SERPINB9: variants seen among roughly 807,000 people sequenced by gnomAD.
SERPINB9 encodes serpin B9.
Under a neutral mutation model 27.2 loss-of-function variants are expected in SERPINB9, and 20 were observed. The ratio of observed to expected loss-of-function variants is 0.74; its 90% confidence interval spans 0.52 to 1.07. The LOEUF (loss-of-function observed/expected upper bound fraction) is 1.07, where lower values mean the gene tolerates loss of function less well. Among genes scored for constraint, SERPINB9 ranks in the 50% least tolerant of loss-of-function variants. The pLI, the probability that SERPINB9 is intolerant of heterozygous loss-of-function variation, is 0.00. For missense variants in SERPINB9, 476 were observed against 460.1 expected, an observed-to-expected ratio of 1.03 and a Z score of -0.32; for synonymous variants, 189 against 180.0, an observed-to-expected ratio of 1.05 and a Z score of -0.40.
chr6:2,895,518 G>T lies in SERPINB9; in HGVS notation c.307-10C>A. On this transcript the variant is annotated splice_polypyrimidine_tract_variant and intron_variant, in intron 3 of 6. Coordinates refer to ENST00000380698, the MANE Select transcript of SERPINB9 (RefSeq NM_004155.6). Reference sequence around the variant, plus strand: ...AGGATTCCTTAAACGTCTTTGGAGAGAAAAATGTTCAGTGAGGCTGCATTG... The same window carrying T: ...AGGATTCCTTAAACGTCTTTGGAGATAAAAATGTTCAGTGAGGCTGCATTG... 5 of 1,583,794 alleles carry T rather than the reference G, an allele frequency of 3.2e-6. No individual in the cohort carries two copies. Among genetic ancestry groups the T allele is most frequent in the Non-Finnish European group, 4.3e-6 (5 of 1,155,858 alleles).
In SERPINB9 at chr6:2,893,404, C is replaced by T. The variant is rs749791285; in HGVS notation, c.567+7G>A. ...AAACTAGCAGGATTTTAAAAAGCTT[C>T]CCCCACCTGGTTTATTTTAAAGGGC... On this transcript the variant is annotated splice_region_variant and intron_variant, in intron 5 of 6. Transcript: ENST00000380698. 1.3e-6 allele frequency: 2 copies of T among 1,597,436 alleles called. No homozygotes were observed. The highest frequency in any genetic ancestry group is 2.3e-5 in the East Asian group (1 of 44,308).
In SERPINB9 at chr6:2,890,256, G is replaced by GA. The variant is rs764476003; in HGVS notation, c.1037_1038insT (p.Arg348GlnfsTer5). Reference sequence around the variant, plus strand: ...AAGGGTGGTCAGCACAGAACCTGGGGCCAGATTCCATGCAGCACTCTGCAA... The same window carrying GA: ...AAGGGTGGTCAGCACAGAACCTGGGGACCAGATTCCATGCAGCACTCTGCAA... On this transcript the variant is annotated frameshift_variant, in exon 7 of 7. Transcript: ENST00000380698. LOFTEE classifies it high-confidence loss of function. The surrounding 1 kb of genome is among the most constrained non-coding windows in gnomAD (Gnocchi z 6.2). 5.0e-6 allele frequency: 8 copies of GA among 1,614,062 alleles called. No individual in the cohort carries two copies. Among genetic ancestry groups the GA allele is most frequent in the Non-Finnish European group, 6.8e-6 (8 of 1,180,026 alleles).
rs555422802 is a variant in SERPINB9, at chr6:2,896,144, G to A, written c.215C>T (p.Ser72Leu). 52 of 1,614,052 alleles carry A rather than the reference G, an allele frequency of 3.2e-5. No homozygotes were observed. The highest frequency in any genetic ancestry group is 3.2e-4 in the South Asian group (29 of 91,058). Reference sequence around the variant, plus strand: ...AGCCTTGTTCACTTCAGTGAGAAGCGACTGGAAAGCCCGATGAATGTCTTC... The same window carrying A: ...AGCCTTGTTCACTTCAGTGAGAAGCAACTGGAAAGCCCGATGAATGTCTTC... ...TEEDIHRAFQ[S>L]LLTEVNKAGT... is the part of the protein sequence containing the mutation. Residue 72 changes from serine (S) to leucine (L), a missense_variant, in exon 3 of 7, where the codon TCG (serine) becomes TTG (leucine). Coordinates refer to ENST00000380698, the MANE Select transcript of SERPINB9 (RefSeq NM_004155.6).
rs1469420083 is a variant in SERPINB9 at position 2,890,131 on chromosome 6, G to A, written c.*32C>T. 4 of 1,589,558 alleles carry A rather than the reference G, an allele frequency of 2.5e-6. No homozygotes were observed. Among genetic ancestry groups the A allele is most frequent in the African/African-American group, 1.3e-5 (1 of 74,130 alleles). On this transcript the variant is annotated 3_prime_UTR_variant, in exon 7 of 7. Coordinates refer to ENST00000380698, the MANE Select transcript of SERPINB9 (RefSeq NM_004155.6). This position sits in a 1 kb window ranked among gnomAD's most constrained non-coding sequence, Gnocchi z 6.2. ...TGGGGATCTGGGGACACAGGAAGAG[G>A]GAAATGGCCGAGTGCACGGTAAGTG...
chr6:2,899,580 T>C (rs1183938204), intron 2 of SERPINB9, among the ~76,000 whole-genome samples: 7 of 152,254 alleles, frequency 4.6e-5, no homozygotes, highest in African/African-American at 1.4e-4. Flanking sequence ...TAGCTTGCCA[T>C]GGCATGCGTA....
Position 2,896,301 on chromosome 6 carries a change from A to T in SERPINB9, c.169-111T>A, listed in dbSNP as rs1012676026. On this transcript the variant is annotated intron_variant, in intron 2 of 6. Coordinates refer to ENST00000380698, the MANE Select transcript of SERPINB9 (RefSeq NM_004155.6). ...GTAAAAGATGTAGCCATTCTGCCTG[A>T]ATGGATCTCGCTTGTTTAAAGATCA... 1.0e-5 allele frequency: 9 copies of T among 903,712 alleles called. No individual in the cohort carries two copies. In the African/African-American group the frequency reaches 1.5e-4, roughly 15 times the overall value. The allele number at this position is 903,712 out of a possible 1,614,324, so 56.0% of individuals were successfully genotyped here. A position where few individuals can be genotyped will look rare whatever the true frequency, so the allele number is the denominator to read the frequency against.
intron 2 of SERPINB9, among the ~76,000 whole-genome samples, chr6:2,897,398 G>A (rs745432756): frequency 1.2e-4 from 18 of 151,680 alleles, no homozygotes; most frequent in Non-Finnish European, 2.2e-4. Flanking sequence ...CCCAGGAGGC[G>A]GAAGTTGCAG....
Position 2,890,141 on chromosome 6 carries a change from GAGTGCACGGTA to G in SERPINB9, c.*11_*21del, listed in dbSNP as rs1561642278. On this transcript the variant is annotated 3_prime_UTR_variant, in exon 7 of 7. Transcript: ENST00000380698. The surrounding 1 kb of genome is among the most constrained non-coding windows in gnomAD (Gnocchi z 6.2). ...GGGACACAGGAAGAGGGAAATGGCC[GAGTGCACGGTA>G]AGTGCACCCTTTATGGCGATGAGAA... The G allele has an allele frequency of 6.3e-7, 1 of 1,595,316 alleles. No individual in the cohort carries two copies. The highest frequency in any genetic ancestry group is 1.1e-5 in the South Asian group (1 of 89,982).
rs142459476 is a variant in SERPINB9 at position 2,890,827 on chromosome 6, T to C, written c.724-257A>G. ...GGCTGTCCTCTCCTTATCCAACAAC[T>C]CCAGAGACATCTTGTATTGTGACAA... On this transcript the variant is annotated intron_variant, in intron 6 of 6. Transcript: ENST00000380698. The surrounding 1 kb of genome is among the most constrained non-coding windows in gnomAD (Gnocchi z 6.2). Among the ~76,000 whole-genome samples, 312 of 151,920 alleles carry C rather than the reference T, an allele frequency of 2.1e-3. 2 individuals carry two copies. Among genetic ancestry groups the C allele is most frequent in the African/African-American group, 7.2e-3 (298 of 41,422 alleles).
chr6:2,893,872 C>T (rs1251056051), intron 4 of SERPINB9, among the ~76,000 whole-genome samples: 1 of 152,116 alleles, frequency 6.6e-6, no homozygotes, highest in Admixed American at 6.6e-5. Context: ...GTTTGTCTCA[C>T]ATGGTTAATT....
rs938175150 is a variant in SERPINB9 at position 2,894,021 on chromosome 6, C to T, written c.425-468G>A. 3.3e-5 allele frequency among the ~76,000 whole-genome samples: 5 copies of T among 152,092 alleles called. No homozygotes were observed. The highest frequency in any genetic ancestry group is 5.9e-5 in the Non-Finnish European group (4 of 68,016). ...TGGGCACATGGGGAGTTTCCAGAAGCTTTTGGAGGAGATATTCCTGCTGAA... is the reference window on the plus strand; with the variant it reads ...TGGGCACATGGGGAGTTTCCAGAAGTTTTTGGAGGAGATATTCCTGCTGAA... On this transcript the variant is annotated intron_variant, in intron 4 of 6. Transcript: ENST00000380698. The surrounding 1 kb of genome is among the most constrained non-coding windows in gnomAD (Gnocchi z 4.7).
At chr6:2,897,170 A>T (rs1394132052) in intron 2 of SERPINB9, among the ~76,000 whole-genome samples, 4 of 151,762 alleles carry the variant, frequency 2.6e-5, no homozygotes, top group African/African-American at 4.8e-5. Flanking sequence ...ACAAATATTT[A>T]AAATATTCTT....
rs1561643107 is a variant in SERPINB9, at chr6:2,890,942, C to T, written c.724-372G>A. ...TGCTAGTAAAGAAAAGGATTGGAAA[C>T]GAAAGGGCTCTCAGTGTGAGCCACT... On this transcript the variant is annotated intron_variant, in intron 6 of 6. Coordinates refer to ENST00000380698, the MANE Select transcript of SERPINB9 (RefSeq NM_004155.6). The surrounding 1 kb of genome is among the most constrained non-coding windows in gnomAD (Gnocchi z 6.2). 1.3e-5 allele frequency among the ~76,000 whole-genome samples: 2 copies of T among 151,950 alleles called. No individual in the cohort carries two copies. The highest frequency in any genetic ancestry group is 1.5e-5 in the Non-Finnish European group (1 of 67,988).
At chr6:2,895,778 T>C (rs1193496565) in intron 3 of SERPINB9, among the ~76,000 whole-genome samples, 1 of 151,978 alleles carries the variant, frequency 6.6e-6, no homozygotes, top group Non-Finnish European at 1.5e-5. Flanking sequence ...ATGCAAGGTA[T>C]AATTATAGAA....
chr6:2,900,883 T>TCA (rs1043594260), intron 1 of SERPINB9, among the ~76,000 whole-genome samples: 34 of 26,528 alleles, frequency 1.3e-3, no homozygotes, highest in Non-Finnish European at 2.1e-3. Flanking sequence ...GAGCTCGCTC[T>TCA]CTCACACACA....
In SERPINB9 at chr6:2,894,006, G is replaced by GTCT. The variant is rs1767913849; in HGVS notation, c.425-454_425-453insAGA. Among the ~76,000 whole-genome samples the GTCT allele has an allele frequency of 6.6e-6, 1 of 152,052 alleles. No individual in the cohort carries two copies. Among genetic ancestry groups the GTCT allele is most frequent in the Non-Finnish European group, 1.5e-5 (1 of 68,010 alleles). ...GGGAAGAGCTGACATTGGGCACATGGGGAGTTTCCAGAAGCTTTTGGAGGA... is the reference window on the plus strand; with the variant it reads ...GGGAAGAGCTGACATTGGGCACATGGTCTGGAGTTTCCAGAAGCTTTTGGAGGA... On this transcript the variant is annotated intron_variant, in intron 4 of 6. Transcript: ENST00000380698. This position sits in a 1 kb window ranked among gnomAD's most constrained non-coding sequence, Gnocchi z 4.7.
intron 5 of SERPINB9, among the ~76,000 whole-genome samples, chr6:2,892,559 G>A (rs1006428586): frequency 2.0e-5 from 3 of 151,944 alleles, no homozygotes; most frequent in Non-Finnish European, 4.4e-5. Flanking sequence ...TACAGAAGAG[G>A]CATAAGCACA....
chr6:2,890,677 C>T lies in SERPINB9; in HGVS notation c.724-107G>A. 9.2e-7 allele frequency: 1 copy of T among 1,089,552 alleles called. No homozygotes were observed. 67.5% of individuals were successfully genotyped at this position (1,089,552 alleles called of 1,614,324 possible). The stretch of plus-strand genomic sequence containing the variant: ...CCCTTGCACGTAGGTGTTGTTTGTT[C>T]ACATAGGATCAGTGGCCCCTTCATC... On this transcript the variant is annotated intron_variant, in intron 6 of 6. Coordinates refer to ENST00000380698, the MANE Select transcript of SERPINB9 (RefSeq NM_004155.6). This position sits in a 1 kb window ranked among gnomAD's most constrained non-coding sequence, Gnocchi z 6.2.
At chr6:2,896,629 A>C (rs1446920509) in intron 2 of SERPINB9, among the ~76,000 whole-genome samples, 1 of 152,254 alleles carries the variant, frequency 6.6e-6, no homozygotes, top group African/African-American at 2.4e-5. Flanking sequence ...TGTGTATATT[A>C]AATATTTCAA....
Sources: gnomAD v4.1 joint callset for allele counts (sites outside exome capture counted in the v4.1 genomes callset) on GRCh38, gnomAD v4.1.1 for gene constraint, Gnocchi (gnomAD v3.1) non-coding constraint, MANE v1.5 for transcripts, NCBI Gene and HGNC (gene_info 2026-07-23, HGNC 2026-07-21) for gene names.